C9orf85: variants seen among roughly 807,000 people sequenced by gnomAD.
C9orf85 encodes the protein uncharacterized protein C9orf85.
A neutral mutation model predicts 14.9 loss-of-function variants in C9orf85; 16 were observed. That is an observed-to-expected ratio of 1.08 (90% CI 0.73 to 1.63). C9orf85 has a LOEUF of 1.63. Ranked by LOEUF, C9orf85 falls within the 40% of genes most tolerant of loss-of-function variation. The probability of loss-of-function intolerance (pLI) is 0.00; values close to 1 mark genes in which losing one functional copy is unlikely to be tolerated. For synonymous variants in C9orf85, 45 were observed against 56.8 expected (o/e 0.79, Z 0.93); for missense variants, 172 against 186.1 (o/e 0.92, Z 0.44).
chr9:71,918,514 G>A, intron 1 of C9orf85: 1 of 1,144,658 alleles, frequency 8.7e-7, no homozygotes, highest in Admixed American at 2.4e-5. Context: ...TCGGTCCATG[G>A]CCTGTCAGGA....
intron 1 of C9orf85, among the ~76,000 whole-genome samples, chr9:71,926,368 T>G (rs1218017607): frequency 6.6e-6 from 1 of 152,170 alleles, no homozygotes; most frequent in Admixed American, 6.5e-5. Flanking sequence ...TTAGTTCAAT[T>G]TAAATAACCA....
chr9:71,951,441 CATAAAG>C (rs1372737492), intron 2 of C9orf85, among the ~76,000 whole-genome samples: 2 of 152,128 alleles, frequency 1.3e-5, no homozygotes, highest in East Asian at 3.9e-4. Context: ...GTGATAAGCT[CATAAAG>C]ATAAAGCACC....
chr9:71,954,026 T>C (rs984261315), intron 2 of C9orf85, among the ~76,000 whole-genome samples: 7 of 149,970 alleles, frequency 4.7e-5, no homozygotes, highest in African/African-American at 1.7e-4. Flanking sequence ...GGCTGGAAGA[T>C]CACTTGAGCC....
intron 1 of C9orf85, among the ~76,000 whole-genome samples, chr9:71,945,747 C>T (rs932218681): frequency 2.0e-5 from 3 of 152,284 alleles, no homozygotes; most frequent in African/African-American, 7.2e-5. Context: ...TATCTAATAG[C>T]CTCCCAAAGA....
intron 2 of C9orf85, among the ~76,000 whole-genome samples, chr9:71,965,002 C>G (rs1384804810): frequency 6.6e-6 from 1 of 152,132 alleles, no homozygotes; most frequent in African/African-American, 2.4e-5. Context: ...CCTACCGGAT[C>G]CAGAGGGATG....
chr9:71,972,968 AC>A lies in C9orf85; in HGVS notation c.*130del. The A allele has an allele frequency of 1.7e-6, 1 of 600,846 alleles. No homozygotes were observed. The highest frequency in any genetic ancestry group is 2.5e-5 in the South Asian group (1 of 40,104). 37.2% of individuals were successfully genotyped at this position (600,846 alleles called of 1,614,324 possible). Reference sequence around the variant, plus strand: ...AGACCAGCCTGGCCAACATGGCGGAACCCCATCTCCACTAAAAGTACAAAAA... The same window carrying A: ...AGACCAGCCTGGCCAACATGGCGGAACCCATCTCCACTAAAAGTACAAAAA... On this transcript the variant is annotated 3_prime_UTR_variant, in exon 4 of 4. Coordinates refer to ENST00000334731, the MANE Select transcript of C9orf85 (RefSeq NM_182505.5).
chr9:71,960,785 G>C (rs1006488419), intron 2 of C9orf85, among the ~76,000 whole-genome samples: 1 of 151,988 alleles, frequency 6.6e-6, no homozygotes, highest in African/African-American at 2.4e-5. Flanking sequence ...AACCTCAAGT[G>C]ATCTGCCACA....
downstream of C9orf85, among the ~76,000 whole-genome samples, chr9:71,974,563 A>G (rs7040625): frequency 0.98 from 148,818 of 152,326 alleles, 72,765 homozygotes; most frequent in East Asian, 1. Context: ...TTTTTCTAAC[A>G]TTGAGAGACA....
At chr9:71,938,282 C>T (rs1472041102) in intron 1 of C9orf85, among the ~76,000 whole-genome samples, 1 of 151,944 alleles carries the variant, frequency 6.6e-6, no homozygotes, top group Non-Finnish European at 1.5e-5. Context: ...TCAGTGTCTT[C>T]TATTCTTTTA....
chr9:71,969,473 A>G (rs1487350606), intron 2 of C9orf85, among the ~76,000 whole-genome samples: 2 of 152,152 alleles, frequency 1.3e-5, no homozygotes, highest in Admixed American at 1.3e-4. Flanking sequence ...TGTTAGATCT[A>G]TAGTGCTGTA....
In C9orf85 at chr9:71,971,541, T is replaced by C. The variant is rs74944973; in HGVS notation, c.246T>C (p.Tyr82=). 1.9e-3 allele frequency: 3,064 copies of C among 1,607,922 alleles called. 51 individuals carry two copies. In the African/African-American group the frequency reaches 0.034, roughly 18 times the overall value. The change falls in exon 3 of 4, where the codon TAT becomes TAC. Residue 82 remains tyrosine, a synonymous_variant. Coordinates refer to ENST00000334731, the MANE Select transcript of C9orf85 (RefSeq NM_182505.5). The part of the protein sequence containing the change: ...KCLQKTVKDS[Y]HIMCRPCACE... ...TACAAAAGACAGTGAAGGATTCTTATCACATAATGTGCAGGCCATGTGCCT... is the reference window on the plus strand; with the variant it reads ...TACAAAAGACAGTGAAGGATTCTTACCACATAATGTGCAGGCCATGTGCCT...
rs996234640 is a variant in C9orf85, at chr9:71,947,048, A to G, written c.145A>G (p.Lys49Glu). 22 of 1,613,544 alleles carry G rather than the reference A, an allele frequency of 1.4e-5. No individual in the cohort carries two copies. Among genetic ancestry groups the G allele is most frequent in the Non-Finnish European group, 1.7e-5 (20 of 1,179,714 alleles). Residue 49 changes from lysine to glutamate, a missense_variant, in exon 2 of 4, where the codon AAA becomes GAA. Lys to Glu is a moderately conservative substitution (Grantham distance 56). Transcript: ENST00000334731. ...TCATGATGGAGTATGTCAGCGCTGTAAAGAAGTTCTTGAGTGGCGTGTAAA... is the reference window on the plus strand; with the variant it reads ...TCATGATGGAGTATGTCAGCGCTGTGAAGAAGTTCTTGAGTGGCGTGTAAA... ...KLHDGVCQRC[K>E]EVLEWRVKYS...
chr9:71,926,664 A>G (rs998360759), intron 1 of C9orf85, among the ~76,000 whole-genome samples: 2 of 151,646 alleles, frequency 1.3e-5, no homozygotes, highest in African/African-American at 4.8e-5. Context: ...GAATCCTGTG[A>G]CATTGCTTAA....
rs1822908302 is a variant in C9orf85 at position 71,972,682 on chromosome 9, T to A, written c.324-10T>A. On this transcript the variant is annotated splice_polypyrimidine_tract_variant and intron_variant, in intron 3 of 3. Transcript: ENST00000334731. Reference sequence around the variant, plus strand: ...GGGAAATAAATAGAAATTTTTTCTTTCATCTTTAGGTTGAATAAAGAAACA... The same window carrying A: ...GGGAAATAAATAGAAATTTTTTCTTACATCTTTAGGTTGAATAAAGAAACA... 1 of 1,539,826 alleles carries A rather than the reference T, an allele frequency of 6.5e-7. No individual in the cohort carries two copies. The highest frequency in any genetic ancestry group is 1.4e-5 in the African/African-American group (1 of 71,940).
chr9:71,938,513 A>G (rs755039544), intron 1 of C9orf85, among the ~76,000 whole-genome samples: 1 of 152,074 alleles, frequency 6.6e-6, no homozygotes, highest in African/African-American at 2.4e-5. Flanking sequence ...ATCATTTTGT[A>G]ATGATTTCTG....
At chr9:71,931,437 T>G (rs1339262995) in intron 1 of C9orf85, among the ~76,000 whole-genome samples, 3 of 152,218 alleles carry the variant, frequency 2.0e-5, no homozygotes, top group Non-Finnish European at 4.4e-5. Flanking sequence ...TTTAAGTCAC[T>G]TGTTTGGAGC....
At chr9:71,958,538 A>G (rs948470641) in intron 2 of C9orf85, among the ~76,000 whole-genome samples, 3 of 152,098 alleles carry the variant, frequency 2.0e-5, no homozygotes, top group Non-Finnish European at 4.4e-5. Flanking sequence ...CTGGGATTAC[A>G]GACGTGAGCT....
intron 1 of C9orf85, among the ~76,000 whole-genome samples, chr9:71,943,743 G>A (rs898472269): frequency 6.6e-6 from 1 of 151,528 alleles, no homozygotes; most frequent in Non-Finnish European, 1.5e-5. Flanking sequence ...GTTTCTCCAT[G>A]TTGGTCAGGC....
chr9:71,950,259 C>T (rs1449843754), intron 2 of C9orf85, among the ~76,000 whole-genome samples: 1 of 152,162 alleles, frequency 6.6e-6, no homozygotes. Flanking sequence ...ATTGCTTATG[C>T]TGATGGTAGC....
Sources: allele counts gnomAD v4.1 joint callset (sites outside exome capture counted in the v4.1 genomes callset), GRCh38; gene constraint gnomAD v4.1.1; transcripts MANE v1.5; gene names NCBI Gene and HGNC (gene_info 2026-07-23, HGNC 2026-07-21).